CBX7: variants seen among roughly 807,000 people sequenced by gnomAD.
CBX7 encodes the protein chromobox 7, also known as chromobox protein homolog 7.
A neutral mutation model predicts 31.4 loss-of-function variants in CBX7; 14 were observed. That is an observed-to-expected ratio of 0.45 (90% CI 0.29 to 0.70). The LOEUF is 0.70. CBX7 is among the 30% of genes least tolerant of loss of function. The pLI is 0.11. For missense variants in CBX7, 269 were observed against 351.9 expected (o/e 0.76, Z 1.89); for synonymous variants, 159 against 152.6 (o/e 1.04, Z -0.31).
intron 2 of CBX7, among the ~76,000 whole-genome samples, chr22:39,143,461 G>A (rs1473888496): frequency 2.6e-5 from 4 of 152,096 alleles, no homozygotes; most frequent in Non-Finnish European, 5.9e-5. Flanking sequence ...AAGTAAGAAA[G>A]TTACTATAAG....
In CBX7 at chr22:39,139,427, G is replaced by A. The variant is rs1052553663; in HGVS notation, c.180-725C>T. The stretch of plus-strand genomic sequence containing the variant: ...TGGCAAAACCCCATTTACCAGCCAG[G>A]CACGGTGGCTCACGCCCGTAATCCC... On this transcript the variant is annotated intron_variant, in intron 3 of 5. Coordinates refer to ENST00000216133, the MANE Select transcript of CBX7 (RefSeq NM_175709.5). Among the ~76,000 whole-genome samples, 2 of 152,130 alleles carry A rather than the reference G, an allele frequency of 1.3e-5. 1 individual carries two copies. The highest frequency in any genetic ancestry group is 1.3e-4 in the Admixed American group (2 of 15,272).
rs1930585063 is a variant in CBX7, at chr22:39,144,830, G to A, written c.114-3394C>T. 3.9e-5 allele frequency among the ~76,000 whole-genome samples: 6 copies of A among 152,244 alleles called. No homozygotes were observed. The South Asian group carries it at 1.2e-3, about 31-fold the overall frequency. ...ACAGTAACAGCAGGTGTGCGGCCGG[G>A]ACCGCCAGGACCGCACCCATCCTCA... On this transcript the variant is annotated intron_variant, in intron 2 of 5. Coordinates refer to ENST00000216133, the MANE Select transcript of CBX7 (RefSeq NM_175709.5).
intron 2 of CBX7, chr22:39,148,133 G>C (rs1197445785): frequency 6.6e-6 from 1 of 152,318 alleles, no homozygotes; most frequent in African/African-American, 2.4e-5. Flanking sequence ...CAAAGTGGAG[G>C]GGGGTGAGAA....
Position 39,134,454 on chromosome 22 carries a change from A to G in CBX7, c.545T>C (p.Val182Ala). The change falls in exon 5 of 6, where the codon GTC becomes GCC. Residue 182 changes from valine (V) to alanine (A), a missense_variant. Transcript: ENST00000216133. ...LFLQEPPAPD[V>A]LQAAGEWEPA... ...CTCCCACTCGCCAGCCGCCTGCAGG[A>G]CGTCTGGGGCCGGTGGCTCCTGCAG... The G allele has an allele frequency of 6.2e-7, 1 of 1,606,924 alleles. No individual in the cohort carries two copies.
intron 3 of CBX7, among the ~76,000 whole-genome samples, chr22:39,139,764 T>C (rs982821461): frequency 1.4e-5 from 2 of 141,662 alleles, no homozygotes; most frequent in African/African-American, 5.3e-5. Context: ...AAACCCCATT[T>C]ACCAAAAATA....
chr22:39,152,503 C>T lies in CBX7; in HGVS notation c.-59G>A. ...CCGGGCCGGGGGCGGAGCTGCGGGG[C>T]CGCGGCTGCGGCGCGCGATGCTGGG... On this transcript the variant is annotated 5_prime_UTR_variant, in exon 1 of 6. Coordinates refer to ENST00000216133, the MANE Select transcript of CBX7 (RefSeq NM_175709.5). This position sits in a 1 kb window ranked among gnomAD's most constrained non-coding sequence, Gnocchi z 4.9. 1 of 801,576 alleles carries T rather than the reference C, an allele frequency of 1.2e-6. No homozygotes were observed. The highest frequency in any genetic ancestry group is 1.5e-6 in the Non-Finnish European group (1 of 661,958). 49.7% of individuals were successfully genotyped at this position (801,576 alleles called of 1,614,324 possible).
At chr22:39,144,925 G>C (rs1288064593) in intron 2 of CBX7, among the ~76,000 whole-genome samples, 1 of 152,216 alleles carries the variant, frequency 6.6e-6, no homozygotes, top group African/African-American at 2.4e-5. Context: ...AGACACGGAG[G>C]TTGGGCAGCC....
Position 39,132,479 on chromosome 22 carries a change from C to T in CBX7, c.*1412G>A, listed in dbSNP as rs55721436. ...ACAGGACTGGAAGAGAGGGAGAAGTCACTCCTCACTGGCAGGGAAGCCACG... is the reference window on the plus strand; with the variant it reads ...ACAGGACTGGAAGAGAGGGAGAAGTTACTCCTCACTGGCAGGGAAGCCACG... On this transcript the variant is annotated 3_prime_UTR_variant, in exon 6 of 6. Transcript: ENST00000216133. 2.3e-4 allele frequency: 35 copies of T among 152,482 alleles called. 1 individual carries two copies. Among genetic ancestry groups the T allele is most frequent in the Admixed American group, 9.1e-4 (14 of 15,302 alleles). The allele number at this position is 152,482 out of a possible 1,614,324, so 9.4% of individuals were successfully genotyped here. A position where few individuals can be genotyped will look rare whatever the true frequency, so the allele number is the denominator to read the frequency against.
At chr22:39,150,745 G>A (rs1404916229) in intron 1 of CBX7, among the ~76,000 whole-genome samples, 1 of 152,120 alleles carries the variant, frequency 6.6e-6, no homozygotes, top group Non-Finnish European at 1.5e-5. Flanking sequence ...ACTGCAGCCT[G>A]GGTGACAGAG....
At chr22:39,145,745 G>A (rs963885041) in intron 2 of CBX7, among the ~76,000 whole-genome samples, 3 of 150,846 alleles carry the variant, frequency 2.0e-5, no homozygotes, top group African/African-American at 7.3e-5. Context: ...GCGGGGACAG[G>A]GACGGCGCGC....
At chr22:39,145,925 C>T (rs1930645842) in intron 2 of CBX7, among the ~76,000 whole-genome samples, 1 of 152,072 alleles carries the variant, frequency 6.6e-6, no homozygotes, top group Non-Finnish European at 1.5e-5. Context: ...CCGGCCTTTC[C>T]CGGGGGGTCG....
In CBX7 at chr22:39,152,283, C is replaced by T. The variant is rs1032787184; in HGVS notation, c.69+93G>A. On this transcript the variant is annotated intron_variant, in intron 1 of 5. Transcript: ENST00000216133. This position sits in a 1 kb window ranked among gnomAD's most constrained non-coding sequence, Gnocchi z 4.9. The stretch of plus-strand genomic sequence containing the variant: ...CAGGGCTGCCGGGGCCCCCGCGCCC[C>T]GCTTTCCCCTTCAGCCCCAGCGTGG... 2 of 833,436 alleles carry T rather than the reference C, an allele frequency of 2.4e-6. No homozygotes were observed. Among genetic ancestry groups the T allele is most frequent in the African/African-American group, 1.8e-5 (1 of 55,006 alleles). 51.6% of individuals were successfully genotyped at this position (833,436 alleles called of 1,614,324 possible).
At chr22:39,141,743 TAA>T (rs139392) in intron 2 of CBX7, among the ~76,000 whole-genome samples, 24 of 122,350 alleles carry the variant, frequency 2.0e-4, no homozygotes, top group Non-Finnish European at 2.1e-4. Context: ...AGTAAGACTC[TAA>T]AAAAAAAAAA....
Position 39,145,848 on chromosome 22 carries a change from C to T in CBX7, c.113+3941G>A, listed in dbSNP as rs186482322. Reference sequence around the variant, plus strand: ...CGGCCGCCCAGCCAAAGCCCCGCCGCGCAGGGCTCGCCCTGCTGCGGTGAG... The same window carrying T: ...CGGCCGCCCAGCCAAAGCCCCGCCGTGCAGGGCTCGCCCTGCTGCGGTGAG... On this transcript the variant is annotated intron_variant, in intron 2 of 5. Coordinates refer to ENST00000216133, the MANE Select transcript of CBX7 (RefSeq NM_175709.5). Among the ~76,000 whole-genome samples, 615 of 151,962 alleles carry T rather than the reference C, an allele frequency of 4.0e-3. 5 individuals are homozygous for T. The highest frequency in any genetic ancestry group is 0.014 in the African/African-American group (596 of 41,472).
chr22:39,140,643 G>T (rs1409761004), intron 3 of CBX7, among the ~76,000 whole-genome samples: 2 of 152,164 alleles, frequency 1.3e-5, no homozygotes. Context: ...TTGCCATAGG[G>T]GCCAAATACA....
intron 2 of CBX7, among the ~76,000 whole-genome samples, chr22:39,146,750 G>T (rs1930674762): frequency 1.3e-5 from 2 of 152,198 alleles, no homozygotes; most frequent in South Asian, 4.1e-4. Flanking sequence ...GCCTGGCCAT[G>T]GCTGTGACCA....
chr22:39,143,000 C>T (rs931280479), intron 2 of CBX7, among the ~76,000 whole-genome samples: 7 of 152,292 alleles, frequency 4.6e-5, no homozygotes, highest in South Asian at 2.1e-4. Context: ...CAGTGGCTCA[C>T]GCCTGTAATT....
At chr22:39,150,990 A>G (rs1029903055) in intron 1 of CBX7, among the ~76,000 whole-genome samples, 2 of 152,184 alleles carry the variant, frequency 1.3e-5, no homozygotes, top group Admixed American at 6.5e-5. Context: ...CCGCCTCTGC[A>G]GAATGCCAGC....
At chr22:39,140,443 T>C (rs748363666) in intron 3 of CBX7, among the ~76,000 whole-genome samples, 1 of 152,082 alleles carries the variant, frequency 6.6e-6, no homozygotes, top group Non-Finnish European at 1.5e-5. Context: ...GAAAGAACAA[T>C]AAAATTTGTC....
Sources: allele counts gnomAD v4.1 joint callset (sites outside exome capture counted in the v4.1 genomes callset), GRCh38; gene constraint gnomAD v4.1.1; non-coding constraint Gnocchi (gnomAD v3.1); transcripts MANE v1.5; gene names NCBI Gene and HGNC (gene_info 2026-07-23, HGNC 2026-07-21).